The following DENND4C variants were observed in gnomAD, a reference collection of about 807,000 sequenced individuals.
DENND4C encodes DENN domain-containing protein 4C.
Under a neutral mutation model 203.0 loss-of-function variants are expected in DENND4C, and 108 were observed. That is an observed-to-expected ratio of 0.53 (90% CI 0.46 to 0.62). The LOEUF (loss-of-function observed/expected upper bound fraction) is 0.62, where lower values mean the gene tolerates loss of function less well. Ranked by LOEUF, DENND4C falls within the 20% of genes least tolerant of loss-of-function variation. The pLI, the probability that DENND4C is intolerant of heterozygous loss-of-function variation, is 0.00. For missense variants in DENND4C, 2,481 were observed against 2,301.2 expected, an observed-to-expected ratio of 1.08 and a Z score of -1.60; for synonymous variants, 871 against 792.4, an observed-to-expected ratio of 1.10 and a Z score of -1.67.
intron 4 of DENND4C, among the ~76,000 whole-genome samples, chr9:19,289,750 A>C (rs545066845): frequency 1.5e-4 from 23 of 148,818 alleles, no homozygotes; most frequent in Non-Finnish European, 3.3e-4. Context: ...AATCGCTTGA[A>C]CCCAGGAGGC....
intron 1 of DENND4C, among the ~76,000 whole-genome samples, chr9:19,264,847 T>C (rs1402999452): frequency 1.3e-5 from 2 of 152,134 alleles, no homozygotes; most frequent in African/African-American, 4.8e-5. Context: ...GGTTTGCTTT[T>C]GCTTTTCTAA....
intron 18 of DENND4C, 145 bp from the exon 19 acceptor site, chr9:19,336,125 G>A (rs2131853832): frequency 1.6e-6 from 1 of 631,768 alleles, no homozygotes; most frequent in East Asian, 3.3e-5. Flanking sequence ...GTAATGTTTA[G>A]CATTTTTTAA....
At chr9:19,319,437 C>T (rs1364163460) in intron 12 of DENND4C, among the ~76,000 whole-genome samples, 2 of 142,416 alleles carry the variant, frequency 1.4e-5, no homozygotes, top group South Asian at 4.4e-4. Context: ...TATATACACA[C>T]ATATATATAT....
At position 19,256,297 on chromosome 9, in the gene DENND4C, G is replaced by GT. The variant is rs796711741; in HGVS notation, c.-17-19850dup. On this transcript the variant is annotated intron_variant, in intron 1 of 32. Transcript: ENST00000434457. ...AAAATTTTTCTTTTTTTTCTTTTCT[G>GT]TTTTTTTTTTTGTTTTTTTTTTTTT... Among the ~76,000 whole-genome samples the GT allele has an allele frequency of 1.2e-3, 143 of 122,532 alleles. 2 individuals carry two copies. The highest frequency in any genetic ancestry group is 4.5e-3 in the Middle Eastern group (1 of 220). The allele number at this position is 122,532 out of a possible 152,430, so 80.4% of individuals were successfully genotyped here.
intron 1 of DENND4C, among the ~76,000 whole-genome samples, chr9:19,270,205 G>A (rs750196559): frequency 1.3e-5 from 2 of 152,154 alleles, no homozygotes; most frequent in Non-Finnish European, 2.9e-5. Flanking sequence ...GACTGTGCTG[G>A]GTTAGACCTG....
chr9:19,271,922 C>T (rs1271084331), intron 1 of DENND4C, among the ~76,000 whole-genome samples: 1 of 150,398 alleles, frequency 6.6e-6, no homozygotes, highest in Non-Finnish European at 1.5e-5. Context: ...GCTTTCAAAG[C>T]TAAGGCTGCC....
chr9:19,352,065 CT>C lies in DENND4C; in HGVS notation c.4496-5del. Reference sequence around the variant, plus strand: ...ACTTAAGGTATTACGATGTATATTCCTTTGTAGGTGAAGTTCCATTTCCAAG... The same window carrying C: ...ACTTAAGGTATTACGATGTATATTCCTTGTAGGTGAAGTTCCATTTCCAAG... On this transcript the variant is annotated splice_region_variant and splice_polypyrimidine_tract_variant and intron_variant, in intron 24 of 32. Transcript: ENST00000434457. The C allele has an allele frequency of 1.2e-6, 2 of 1,610,494 alleles. No homozygotes were observed. Among genetic ancestry groups the C allele is most frequent in the Non-Finnish European group, 1.7e-6 (2 of 1,177,076 alleles).
chr9:19,240,850 C>G (rs746470021), intron 1 of DENND4C, among the ~76,000 whole-genome samples: 6 of 151,836 alleles, frequency 4.0e-5, no homozygotes, highest in Non-Finnish European at 5.9e-5. Context: ...GCCTGTAATC[C>G]AAGCTATTTG....
intron 1 of DENND4C, among the ~76,000 whole-genome samples, chr9:19,246,808 A>C (rs959545047): frequency 2.0e-5 from 3 of 152,180 alleles, no homozygotes; most frequent in Admixed American, 2.0e-4. Flanking sequence ...TTTTCTTAGC[A>C]TATGAACATG....
rs1413138672 is a variant in DENND4C at position 19,374,117 on chromosome 9, TGAA to T, written c.*1945_*1947del. 1.3e-5 allele frequency among the ~76,000 whole-genome samples: 2 copies of T among 152,204 alleles called. No homozygotes were observed. The highest frequency in any genetic ancestry group is 2.9e-5 in the Non-Finnish European group (2 of 68,026). ...ATATAAAAATTGAGGTTGAATAAAA[TGAA>T]AAATTGTTGTTTTCTGTTACATTAA... On this transcript the variant is annotated 3_prime_UTR_variant, in exon 33 of 33. Transcript: ENST00000434457.
chr9:19,347,201 A>C, intron 23 of DENND4C, 115 bp downstream of exon 23: 9 of 1,105,042 alleles, frequency 8.1e-6, no homozygotes, highest in Non-Finnish European at 1.1e-5. Context: ...GTACAGTGGC[A>C]TGATTTTGGC....
At chr9:19,295,879 A>AT (rs368407593) in intron 5 of DENND4C, 129 bp from the exon 6 acceptor site, 23,749 of 637,656 alleles carry the variant, frequency 0.037, 410 homozygotes, top group African/African-American at 0.11. Context: ...TTTGGGTGAG[A>AT]TTTTTTTTTT....
At chr9:19,315,279 G>A (rs1302746219) in intron 10 of DENND4C, among the ~76,000 whole-genome samples, 1 of 151,930 alleles carries the variant, frequency 6.6e-6, no homozygotes, top group African/African-American at 2.4e-5. Flanking sequence ...TGTTCTGTGA[G>A]AAGCCTTTAA....
chr9:19,356,748 A>T (rs769744764), intron 26 of DENND4C, among the ~76,000 whole-genome samples: 3 of 148,498 alleles, frequency 2.0e-5, no homozygotes, highest in Non-Finnish European at 3.0e-5. Flanking sequence ...TTAGGATAGG[A>T]GGGGAAGAGA....
intron 1 of DENND4C, among the ~76,000 whole-genome samples, chr9:19,237,926 G>T (rs945493660): frequency 2.4e-4 from 37 of 152,104 alleles, no homozygotes; most frequent in African/African-American, 8.7e-4. Context: ...GGCTGCCAGA[G>T]TAAATTACTG....
rs11320093 is a variant in DENND4C, at chr9:19,362,538, TAA to T, written c.5524+584_5524+585del. ...TAATTAATTCAAAGTGATTTGCTGTTAAAAAAAAAAGTACACACACACACACA... is the reference window on the plus strand; with the variant it reads ...TAATTAATTCAAAGTGATTTGCTGTTAAAAAAAAGTACACACACACACACA... On this transcript the variant is annotated intron_variant, in intron 30 of 32. Coordinates refer to ENST00000434457, the MANE Select transcript of DENND4C (RefSeq NM_001330640.2). 6.0e-5 allele frequency among the ~76,000 whole-genome samples: 9 copies of T among 150,032 alleles called. No homozygotes were observed. The East Asian group carries it at 7.8e-4, about 13-fold the overall frequency.
intron 1 of DENND4C, among the ~76,000 whole-genome samples, chr9:19,242,048 C>G (rs1823882172): frequency 1.3e-5 from 2 of 152,086 alleles, no homozygotes; most frequent in Non-Finnish European, 2.9e-5. Context: ...AGTTTCACCT[C>G]CATGAGATTA....
intron 26 of DENND4C, among the ~76,000 whole-genome samples, chr9:19,355,138 A>T (rs201655167): frequency 1.3e-5 from 2 of 150,016 alleles, no homozygotes; most frequent in Non-Finnish European, 3.0e-5. Context: ...TCTCGATCTC[A>T]TGACCTTGTG....
intron 1 of DENND4C, among the ~76,000 whole-genome samples, chr9:19,235,998 CTTT>C (rs529627672): frequency 4.1e-5 from 6 of 145,646 alleles, no homozygotes; most frequent in African/African-American, 1.5e-4. Context: ...GTTTTTATTT[CTTT>C]TTTTTTTCAT....
Sources: allele counts gnomAD v4.1 joint callset (sites outside exome capture counted in the v4.1 genomes callset), GRCh38; gene constraint gnomAD v4.1.1; transcripts MANE v1.5; gene names NCBI Gene and HGNC (gene_info 2026-07-23, HGNC 2026-07-21).